Variants in RIMS1 observed in about 807,000 individuals in gnomAD.
RIMS1 encodes regulating synaptic membrane exocytosis protein 1.
Under a neutral mutation model 214.1 loss-of-function variants are expected in RIMS1, and 83 were observed. That is an observed-to-expected ratio of 0.39 (90% confidence interval 0.32 to 0.47). The LOEUF is 0.47. Among genes scored for constraint, RIMS1 ranks in the 20% least tolerant of loss-of-function variants. The pLI is 0.99. For missense variants in RIMS1, 2,050 were observed against 2,161.8 expected, an observed-to-expected ratio of 0.95 and a Z score of 1.03; for synonymous variants, 793 against 786.8, an observed-to-expected ratio of 1.01 and a Z score of -0.13.
intron 2 of RIMS1, among the ~76,000 whole-genome samples, chr6:71,982,402 C>T (rs1040570530): frequency 2.0e-5 from 3 of 152,048 alleles, no homozygotes; most frequent in African/African-American, 7.2e-5. Context: ...TTCTACAGTG[C>T]ATGCTACTTT....
chr6:71,920,498 G>A lies in RIMS1; in HGVS notation c.164+33311G>A, dbSNP rs1582652113. Among the ~76,000 whole-genome samples the A allele has an allele frequency of 2.0e-5, 3 of 152,022 alleles. No individual in the cohort carries two copies. In the South Asian group the frequency reaches 6.2e-4, roughly 32 times the overall value. ...TTTAAAAATGACCAAAAAAAATCCA[G>A]TGACAAATGTAATTTAGAAAGATTT... On this transcript the variant is annotated intron_variant, in intron 1 of 33. Transcript: ENST00000521978.
chr6:72,161,478 T>C (rs1181416303), intron 4 of RIMS1, among the ~76,000 whole-genome samples: 1 of 140,530 alleles, frequency 7.1e-6, no homozygotes, highest in Non-Finnish European at 1.6e-5. Flanking sequence ...AATTGTGATG[T>C]TAGGGTGTCA....
At chr6:72,150,423 C>T (rs943592526) in intron 4 of RIMS1, among the ~76,000 whole-genome samples, 6 of 152,246 alleles carry the variant, frequency 3.9e-5, no homozygotes, top group African/African-American at 1.4e-4. Flanking sequence ...ACCAGGGACC[C>T]ACCCCTATCT....
intron 4 of RIMS1, among the ~76,000 whole-genome samples, chr6:72,178,936 C>T (rs931639109): frequency 6.6e-6 from 1 of 152,166 alleles, no homozygotes; most frequent in Non-Finnish European, 1.5e-5. Context: ...CTCAGAGTCA[C>T]ATTTATTGCT....
rs180674752 is a variant in RIMS1, at chr6:72,190,059, A to G, written c.1678+6910A>G. Among the ~76,000 whole-genome samples the G allele has an allele frequency of 4.2e-3, 642 of 152,290 alleles. 4 individuals carry two copies. The highest frequency in any genetic ancestry group is 7.4e-3 in the Non-Finnish European group (501 of 68,022). Reference sequence around the variant, plus strand: ...AGCCTGTGAATCAGTATGTAATCACACATCTGGCCATTTCTCCTTCATGCA... The same window carrying G: ...AGCCTGTGAATCAGTATGTAATCACGCATCTGGCCATTTCTCCTTCATGCA... On this transcript the variant is annotated intron_variant, in intron 6 of 33. Coordinates refer to ENST00000521978, the MANE Select transcript of RIMS1 (RefSeq NM_014989.7).
chr6:72,153,094 ATTCCC>A (rs1324022689), intron 4 of RIMS1, among the ~76,000 whole-genome samples: 3 of 133,456 alleles, frequency 2.2e-5, no homozygotes, highest in Non-Finnish European at 5.2e-5. Flanking sequence ...ATATGTATAT[ATTCCC>A]TATGTATATA....
At chr6:72,339,647 G>A (rs995729285) in intron 29 of RIMS1, among the ~76,000 whole-genome samples, 3 of 151,996 alleles carry the variant, frequency 2.0e-5, no homozygotes, top group African/African-American at 4.8e-5. Flanking sequence ...GTATTCCATG[G>A]TGTATATGTG....
intron 2 of RIMS1, among the ~76,000 whole-genome samples, chr6:72,096,173 G>C (rs1309047710): frequency 2.0e-5 from 3 of 152,092 alleles, no homozygotes; most frequent in Middle Eastern, 3.2e-3. Context: ...AATCAGGAGT[G>C]GTTGCTAGCA....
chr6:72,027,970 G>T lies in RIMS1; in HGVS notation c.245+58907G>T, dbSNP rs537016410. Among the ~76,000 whole-genome samples, 9 of 152,032 alleles carry T rather than the reference G, an allele frequency of 5.9e-5. No individual in the cohort carries two copies. The South Asian group carries it at 1.9e-3, about 32-fold the overall frequency. The stretch of plus-strand genomic sequence containing the variant: ...TTCATTTCCATGTATATTTGTTTTT[G>T]CTCAGTAAGAACAGTGTGCAAAATT... On this transcript the variant is annotated intron_variant, in intron 2 of 33. Coordinates refer to ENST00000521978, the MANE Select transcript of RIMS1 (RefSeq NM_014989.7).
chr6:72,322,853 G>A (rs2096245298), intron 28 of RIMS1, among the ~76,000 whole-genome samples: 1 of 152,092 alleles, frequency 6.6e-6, no homozygotes, highest in Admixed American at 6.6e-5. Context: ...ACTGGAAATT[G>A]TGAGGGTGGA....
chr6:72,356,089 A>G (rs1011847637), intron 29 of RIMS1, among the ~76,000 whole-genome samples: 2 of 152,186 alleles, frequency 1.3e-5, no homozygotes, highest in African/African-American at 4.8e-5. Context: ...ACACAGGTTA[A>G]CATTATATAT....
intron 9 of RIMS1, 88 bp downstream of exon 9, chr6:72,238,010 TATACATAC>T (rs1178584884): frequency 9.5e-6 from 7 of 733,448 alleles, no homozygotes; most frequent in Non-Finnish European, 1.6e-5. Context: ...TAGTTTTATA[TATACATAC>T]ATACATACAT....
intron 1 of RIMS1, among the ~76,000 whole-genome samples, chr6:71,918,232 T>C (rs1200310304): frequency 6.6e-6 from 1 of 151,796 alleles, no homozygotes; most frequent in East Asian, 1.9e-4. Context: ...GAGAAGAGGA[T>C]GCAGAGCCAG....
intron 9 of RIMS1, 41 bp downstream of exon 9, chr6:72,237,963 A>T: frequency 7.4e-7 from 1 of 1,358,316 alleles, no homozygotes; most frequent in Non-Finnish European, 1.0e-6. Flanking sequence ...TGTGTTCTCC[A>T]TGCATGAACA....
chr6:72,159,954 G>T (rs561240557), intron 4 of RIMS1, among the ~76,000 whole-genome samples: 1 of 139,356 alleles, frequency 7.2e-6, no homozygotes, highest in African/African-American at 2.5e-5. Context: ...GATGGGGATG[G>T]CATTGAATCT....
intron 23 of RIMS1, among the ~76,000 whole-genome samples, chr6:72,279,603 G>C (rs1428360470): frequency 6.6e-6 from 1 of 151,990 alleles, no homozygotes; most frequent in African/African-American, 2.4e-5. Flanking sequence ...AAAAAAGCAT[G>C]TTTAAACTAA....
intron 28 of RIMS1, among the ~76,000 whole-genome samples, chr6:72,330,365 A>T (rs1268710816): frequency 6.6e-6 from 1 of 151,806 alleles, no homozygotes; most frequent in Non-Finnish European, 1.5e-5. Context: ...TTCAGCAAAA[A>T]GTCTACAAGA....
chr6:72,162,250 C>T (rs2045549553), intron 4 of RIMS1, among the ~76,000 whole-genome samples: 1 of 140,514 alleles, frequency 7.1e-6, no homozygotes, highest in Admixed American at 7.3e-5. Flanking sequence ...GTATTTCTTC[C>T]TTCATCCCTT....
chr6:72,380,898 C>T lies in RIMS1; in HGVS notation c.4367-9700C>T, dbSNP rs2098475508. On this transcript the variant is annotated intron_variant, in intron 29 of 33. Coordinates refer to ENST00000521978, the MANE Select transcript of RIMS1 (RefSeq NM_014989.7). ...CATTCCAGTATTTGGGGCTTAATCT[C>T]ATCCTCAGACAATTTAGGTGATTAT... is the stretch of plus-strand genomic sequence containing the variant. Among the ~76,000 whole-genome samples the T allele has an allele frequency of 2.0e-5, 3 of 152,230 alleles. 1 individual carries two copies. In the South Asian group the frequency reaches 6.2e-4, roughly 32 times the overall value.
Sources: allele counts gnomAD v4.1 joint callset (sites outside exome capture counted in the v4.1 genomes callset), GRCh38; gene constraint gnomAD v4.1.1; transcripts MANE v1.5; gene names NCBI Gene and HGNC (gene_info 2026-07-23, HGNC 2026-07-21).